The following ZNF503 variants were observed in gnomAD, a reference collection of about 807,000 sequenced individuals.
ZNF503 encodes zinc finger protein 503.
In ZNF503, 15 loss-of-function variants were observed where a neutral mutation model predicts 34.4. The observed-to-expected ratio is 0.44, with a 90% CI of 0.29 to 0.67. The LOEUF (loss-of-function observed/expected upper bound fraction) is 0.67. Among genes scored for constraint, ZNF503 ranks in the 30% least tolerant of loss-of-function variants. ZNF503 has a pLI of 0.13. For missense variants in ZNF503, 1,007 were observed against 926.8 expected (o/e 1.09, Z -1.12); for synonymous variants, 580 against 456.8 (o/e 1.27, Z -3.44).
the ZNF503 span, among the ~76,000 whole-genome samples, chr10:75,310,797 C>A: frequency 6.6e-6 from 1 of 152,156 alleles, no homozygotes; most frequent in African/African-American, 2.4e-5. Context: ...CTACTACCTG[C>A]ACCTAGCAAT....
At chr10:75,352,519 G>T in the ZNF503 span, among the ~76,000 whole-genome samples, 2 of 152,250 alleles carry the variant, frequency 1.3e-5, no homozygotes, top group East Asian at 3.9e-4. Flanking sequence ...CCATCCCAAG[G>T]TTCGGTGAAG....
the ZNF503 span, among the ~76,000 whole-genome samples, chr10:75,362,854 C>G: frequency 6.6e-6 from 1 of 152,126 alleles, no homozygotes. Flanking sequence ...CGAGGCTCCC[C>G]GTTCCTTCCT....
chr10:75,356,705 T>G, the ZNF503 span, among the ~76,000 whole-genome samples: 3 of 152,188 alleles, frequency 2.0e-5, no homozygotes, highest in Non-Finnish European at 4.4e-5. Flanking sequence ...TGCATTGCCT[T>G]TCAGCCCCAG....
At chr10:75,385,767 G>T in the ZNF503 span, among the ~76,000 whole-genome samples, 1 of 152,174 alleles carries the variant, frequency 6.6e-6, no homozygotes, top group African/African-American at 2.4e-5. Context: ...TATATTGGTG[G>T]CACCAATGAT....
At chr10:75,356,543 G>A in the ZNF503 span, among the ~76,000 whole-genome samples, 1 of 152,222 alleles carries the variant, frequency 6.6e-6, no homozygotes, top group African/African-American at 2.4e-5. Context: ...AAAACATCAC[G>A]TAGCTCATCT....
the ZNF503 span, among the ~76,000 whole-genome samples, chr10:75,369,969 A>T: frequency 6.6e-6 from 1 of 152,076 alleles, no homozygotes; most frequent in Non-Finnish European, 1.5e-5. Context: ...CGGGAGGCTG[A>T]GACAGGAGAA....
the ZNF503 span, among the ~76,000 whole-genome samples, chr10:75,372,029 A>G: frequency 6.6e-6 from 1 of 152,310 alleles, no homozygotes; most frequent in Admixed American, 6.5e-5. Flanking sequence ...TTCTGGGTTC[A>G]AGCCATTCTC....
the ZNF503 span, among the ~76,000 whole-genome samples, chr10:75,303,181 CA>C: frequency 6.6e-6 from 1 of 152,184 alleles, no homozygotes; most frequent in African/African-American, 2.4e-5. Flanking sequence ...CTGGTCTAAA[CA>C]GGCTTGGGCA....
chr10:75,293,020 C>T, the ZNF503 span, among the ~76,000 whole-genome samples: 4 of 152,180 alleles, frequency 2.6e-5, no homozygotes, highest in Admixed American at 6.5e-5. Context: ...AGAGAGAATC[C>T]GATGGGTTGC....
the ZNF503 span, among the ~76,000 whole-genome samples, chr10:75,307,068 G>A: frequency 6.6e-6 from 1 of 152,070 alleles, no homozygotes; most frequent in South Asian, 2.1e-4. Context: ...CCAAGTGAAA[G>A]AAAGAGCCGC....
At chr10:75,331,481 A>G in the ZNF503 span, among the ~76,000 whole-genome samples, 2 of 152,118 alleles carry the variant, frequency 1.3e-5, no homozygotes, top group East Asian at 3.9e-4. Context: ...ACAGAATCTC[A>G]CTTTGTCACC....
the ZNF503 span, among the ~76,000 whole-genome samples, chr10:75,343,859 A>T: frequency 3.9e-5 from 6 of 152,210 alleles, no homozygotes; most frequent in African/African-American, 1.2e-4. Flanking sequence ...CACCCCTGTT[A>T]CATGATGCCC....
At chr10:75,344,776 A>G in the ZNF503 span, among the ~76,000 whole-genome samples, 4 of 152,222 alleles carry the variant, frequency 2.6e-5, no homozygotes, top group African/African-American at 9.6e-5. Context: ...GGTTGGTGCC[A>G]GCGTCATTGC....
chr10:75,398,898 G>A lies in ZNF503; in HGVS notation c.1792C>T (p.Leu598Phe). 1 of 1,551,342 alleles carries A rather than the reference G, an allele frequency of 6.4e-7. No homozygotes were observed. The change falls in exon 2 of 2, where the codon CTC becomes TTC. Residue 598 changes from leucine (L) to phenylalanine (F), a missense_variant. Physicochemically the swap from Leu to Phe is conservative, Grantham distance 22. Coordinates refer to ENST00000372524, the MANE Select transcript of ZNF503 (RefSeq NM_032772.6). ...GAGTAGGGGTGGTAGCGGCTGCTGA[G>A]TCCCAGCGCGTGGTGGGGGCTGCGC... The part of the protein sequence containing the change: ...ALRSPHHALG[L>F]SSRYHPYSKS...
chr10:75,389,567 T>C, the ZNF503 span, among the ~76,000 whole-genome samples: 1 of 152,072 alleles, frequency 6.6e-6, no homozygotes, highest in Non-Finnish European at 1.5e-5. Context: ...CCATCTCTAC[T>C]AAAAATACAA....
At chr10:75,359,094 T>C in the ZNF503 span, 1 of 152,270 alleles carries the variant, frequency 6.6e-6, no homozygotes, top group Non-Finnish European at 1.5e-5. Context: ...TTGCTCCACA[T>C]ACCCTAGCTC....
chr10:75,365,673 C>T, the ZNF503 span, among the ~76,000 whole-genome samples: 2 of 152,204 alleles, frequency 1.3e-5, no homozygotes, highest in Non-Finnish European at 2.9e-5. Context: ...GTTATTTAAC[C>T]TATCTGTGCT....
At chr10:75,307,355 C>T in the ZNF503 span, among the ~76,000 whole-genome samples, 1 of 152,328 alleles carries the variant, frequency 6.6e-6, no homozygotes, top group African/African-American at 2.4e-5. Context: ...AAAGCCTAAT[C>T]CAGAGCAAGG....
the ZNF503 span, chr10:75,296,369 C>T: frequency 1.3e-5 from 2 of 152,334 alleles, no homozygotes; most frequent in Non-Finnish European, 2.9e-5. Context: ...AGCCATTGGC[C>T]CCTTTCACGT....
Sources: gnomAD v4.1 joint callset for allele counts (sites outside exome capture counted in the v4.1 genomes callset) on GRCh38, gnomAD v4.1.1 for gene constraint, MANE v1.5 for transcripts, NCBI Gene and HGNC (gene_info 2026-07-23, HGNC 2026-07-21) for gene names.